DLGAP2: variants seen among roughly 807,000 people sequenced by gnomAD.
DLGAP2 encodes DLG associated protein 2.
A neutral mutation model predicts 100.3 loss-of-function variants in DLGAP2; 26 were observed. That is an observed-to-expected ratio of 0.26 (90% CI 0.19 to 0.36). The LOEUF is 0.36. Ranked by LOEUF, DLGAP2 falls within the 10% of genes least tolerant of loss-of-function variation. The pLI is 1.00. For synonymous variants in DLGAP2, 886 were observed against 630.1 expected (o/e 1.41, Z -6.08); for missense variants, 1,858 against 1,453.2 (o/e 1.28, Z -4.53).
At chr8:1,464,692 G>A (rs1038737755) in intron 3 of DLGAP2, among the ~76,000 whole-genome samples, 30 of 152,304 alleles carry the variant, frequency 2.0e-4, no homozygotes, top group African/African-American at 4.1e-4. Context: ...CTGGAGACAC[G>A]TCCCTCACCT....
chr8:1,275,257 C>T (rs989493863), intron 3 of DLGAP2, among the ~76,000 whole-genome samples: 1 of 151,602 alleles, frequency 6.6e-6, no homozygotes, highest in Non-Finnish European at 1.5e-5. Flanking sequence ...CCTCAGTCTA[C>T]AATTAAGTAA....
At chr8:1,220,034 GTAT>G (rs1319887647) in intron 2 of DLGAP2, among the ~76,000 whole-genome samples, 2 of 151,690 alleles carry the variant, frequency 1.3e-5, no homozygotes, top group African/African-American at 4.8e-5. Flanking sequence ...TGGTCTATCA[GTAT>G]TATTTCTTCT....
At chr8:1,658,008 G>T (rs1798323341) in intron 8 of DLGAP2, among the ~76,000 whole-genome samples, 1 of 152,158 alleles carries the variant, frequency 6.6e-6, no homozygotes, top group Admixed American at 6.5e-5. Flanking sequence ...CCCGTTTGCA[G>T]CAGAATGCAA....
intron 2 of DLGAP2, among the ~76,000 whole-genome samples, chr8:959,871 A>T (rs897427930): frequency 1.3e-5 from 2 of 152,222 alleles, no homozygotes; most frequent in Non-Finnish European, 2.9e-5. Flanking sequence ...AATGAGTTTT[A>T]TTTAACTTAT....
intron 3 of DLGAP2, among the ~76,000 whole-genome samples, chr8:1,335,166 G>T (rs1205244675): frequency 6.6e-6 from 1 of 152,122 alleles, no homozygotes; most frequent in Admixed American, 6.5e-5. Context: ...GGATTTCTTG[G>T]GAGCGACAAA....
At chr8:1,636,900 A>T (rs935222324) in intron 8 of DLGAP2, among the ~76,000 whole-genome samples, 1 of 152,264 alleles carries the variant, frequency 6.6e-6, no homozygotes, top group African/African-American at 2.4e-5. Flanking sequence ...TGGCCAATAG[A>T]GTAAAGGTGA....
intron 8 of DLGAP2, among the ~76,000 whole-genome samples, chr8:1,661,119 G>A (rs4436150): frequency 6.6e-6 from 1 of 152,202 alleles, no homozygotes; most frequent in Non-Finnish European, 1.5e-5. Flanking sequence ...CTCTTTCCAA[G>A]AAAACGTTGT....
At chr8:958,578 C>A (rs1038666701) in intron 2 of DLGAP2, among the ~76,000 whole-genome samples, 1 of 115,344 alleles carries the variant, frequency 8.7e-6, no homozygotes, top group Non-Finnish European at 1.6e-5. Context: ...TTAAACTAGA[C>A]CTCCAAAAAA....
intron 3 of DLGAP2, among the ~76,000 whole-genome samples, chr8:1,412,251 T>G (rs1796752212): frequency 1.3e-5 from 2 of 152,222 alleles, no homozygotes; most frequent in Non-Finnish European, 2.9e-5. Context: ...CCTCCTGCTC[T>G]GAGCGCTAGA....
At chr8:791,816 C>T (rs1216345323) in intron 1 of DLGAP2, among the ~76,000 whole-genome samples, 2 of 152,188 alleles carry the variant, frequency 1.3e-5, no homozygotes, top group South Asian at 2.1e-4. Flanking sequence ...TTTCTTGTTG[C>T]TTGAGCTCAC....
At chr8:1,337,244 ATGG>A (rs1370891707) in intron 3 of DLGAP2, among the ~76,000 whole-genome samples, 6 of 148,216 alleles carry the variant, frequency 4.0e-5, no homozygotes, top group South Asian at 2.2e-4. Flanking sequence ...GGTGAGAATG[ATGG>A]TGATGATGGT....
rs762904628 is a variant in DLGAP2, at chr8:1,632,886, A to C, written c.1650A>C (p.Glu550Asp). ...FESVCESVFS[E>D]VESQAMDALD... ...CCGTGTGCGAGTCCGTCTTCAGTGAAGTTGAATCTCAGGCCATGGATGCCC... is the reference window on the plus strand; with the variant it reads ...CCGTGTGCGAGTCCGTCTTCAGTGACGTTGAATCTCAGGCCATGGATGCCC... Residue 550 changes from glutamate to aspartate, a missense_variant, in exon 8 of 15, where the codon GAA becomes GAC. Coordinates refer to ENST00000637795, the MANE Select transcript of DLGAP2 (RefSeq NM_001346810.2). 6.2e-7 allele frequency: 1 copy of C among 1,613,970 alleles called. No homozygotes were observed. The highest frequency in any genetic ancestry group is 8.5e-7 in the Non-Finnish European group (1 of 1,179,868).
At chr8:1,360,746 C>T (rs1441071922) in intron 3 of DLGAP2, among the ~76,000 whole-genome samples, 1 of 152,178 alleles carries the variant, frequency 6.6e-6, no homozygotes, top group East Asian at 1.9e-4. Flanking sequence ...CTTCCAAACT[C>T]CTGTTTGATC....
intron 2 of DLGAP2, among the ~76,000 whole-genome samples, chr8:972,622 T>A (rs1800042180): frequency 6.6e-6 from 1 of 151,862 alleles, no homozygotes; most frequent in Non-Finnish European, 1.5e-5. Flanking sequence ...TTTTCTTATT[T>A]ATTTATTTAT....
At chr8:869,873 G>A (rs926288310) in intron 1 of DLGAP2, among the ~76,000 whole-genome samples, 1 of 152,062 alleles carries the variant, frequency 6.6e-6, no homozygotes, top group Non-Finnish European at 1.5e-5. Flanking sequence ...GCTCAGGAAA[G>A]GACACATTCT....
At chr8:1,013,299 A>T (rs987160330) in intron 2 of DLGAP2, among the ~76,000 whole-genome samples, 2 of 152,220 alleles carry the variant, frequency 1.3e-5, no homozygotes, top group Non-Finnish European at 2.9e-5. Context: ...AGGATACAGT[A>T]GAGCTTTGAG....
intron 3 of DLGAP2, among the ~76,000 whole-genome samples, chr8:1,334,650 A>T (rs1170882180): frequency 6.6e-6 from 1 of 152,028 alleles, no homozygotes; most frequent in Non-Finnish European, 1.5e-5. Flanking sequence ...CGGTGGGATG[A>T]CCAGTGTGGC....
At chr8:1,290,875 A>G (rs1402817952) in intron 3 of DLGAP2, among the ~76,000 whole-genome samples, 1 of 152,226 alleles carries the variant, frequency 6.6e-6, no homozygotes, top group East Asian at 1.9e-4. Context: ...AAAAATAGAC[A>G]TAACATGAAA....
chr8:909,475 T>C (rs1230528717), intron 2 of DLGAP2, among the ~76,000 whole-genome samples: 1 of 152,176 alleles, frequency 6.6e-6, no homozygotes, highest in African/African-American at 2.4e-5. Context: ...TTTTTTTTTT[T>C]TGACAGTTTG....
Sources: gnomAD v4.1 joint callset for allele counts (sites outside exome capture counted in the v4.1 genomes callset) on GRCh38, gnomAD v4.1.1 for gene constraint, MANE v1.5 for transcripts, NCBI Gene and HGNC (gene_info 2026-07-23, HGNC 2026-07-21) for gene names.